CACNB1: variants seen among roughly 807,000 people sequenced by gnomAD.
CACNB1 encodes the protein calcium voltage-gated channel auxiliary subunit beta 1.
In CACNB1, 29 loss-of-function variants were observed where a neutral mutation model predicts 71.6. That is an observed-to-expected ratio of 0.40 (90% CI 0.30 to 0.55). CACNB1 has a LOEUF of 0.55. Among genes scored for constraint, CACNB1 ranks in the 20% least tolerant of loss-of-function variants. The pLI, the probability that CACNB1 is intolerant of heterozygous loss-of-function variation, is 0.38. For missense variants in CACNB1, 623 were observed against 801.8 expected (o/e 0.78, Z 2.69); for synonymous variants, 300 against 319.6 (o/e 0.94, Z 0.65).
chr17:39,175,530 C>T lies in CACNB1; in HGVS notation c.1460G>A (p.Arg487Gln), dbSNP rs753711036. 6.2e-7 allele frequency: 1 copy of T among 1,613,840 alleles called. No individual in the cohort carries two copies. Among genetic ancestry groups the T allele is most frequent in the Non-Finnish European group, 8.5e-7 (1 of 1,179,978 alleles). The stretch of plus-strand genomic sequence containing the variant: ...GGACAGTGCCCGTAGCGTGCCTGCC[C>T]GGCCTGGTGGGTGGCTGCTGGGGTA... ...GLYPSSHPPG[R>Q]AGTLRALSRQ... Residue 487 changes from arginine (R) to glutamine (Q), a missense_variant, in exon 14 of 14, where the codon CGG becomes CAG. By Grantham distance (43) the Arg-to-Gln change is conservative. Transcript: ENST00000394303. The surrounding 1 kb of genome is among the most constrained non-coding windows in gnomAD (Gnocchi z 4.7).
At position 39,187,485 on chromosome 17, in the gene CACNB1, G is replaced by T; in HGVS notation, c.408C>A (p.Ile136=). 1 of 1,613,930 alleles carries T rather than the reference G, an allele frequency of 6.2e-7. No individual in the cohort carries two copies. The highest frequency in any genetic ancestry group is 1.1e-5 in the South Asian group (1 of 91,084). The change falls in exon 4 of 14, where the codon ATC becomes ATA. Residue 136 remains isoleucine, a synonymous_variant. Transcript: ENST00000394303. ...ITFEPKDFLH[I]KEKYNNDWWI... ...CCTCCCTCCAGATACCCACCTCCTT[G>T]ATGTGCAGGAAGTCTTTGGGCTCGA...
rs1187636203 is a variant in CACNB1, at chr17:39,183,874, T to C, written c.899-10A>G. The C allele has an allele frequency of 6.2e-7, 1 of 1,609,818 alleles. No individual in the cohort carries two copies. On this transcript the variant is annotated splice_polypyrimidine_tract_variant and intron_variant, in intron 10 of 13. Coordinates refer to ENST00000394303, the MANE Select transcript of CACNB1 (RefSeq NM_000723.5). Reference sequence around the variant, plus strand: ...TCACTCTGCACCTCAGCTGGGGGCATGGAGTCATGTGGATGGGGGAATGTC... The same window carrying C: ...TCACTCTGCACCTCAGCTGGGGGCACGGAGTCATGTGGATGGGGGAATGTC...
Position 39,191,456 on chromosome 17 carries a change from T to C in CACNB1, c.291+18A>G. The C allele has an allele frequency of 6.3e-7, 1 of 1,591,310 alleles. No individual in the cohort carries two copies. The highest frequency in any genetic ancestry group is 2.3e-5 in the East Asian group (1 of 43,610). Reference sequence around the variant, plus strand: ...GGGGAAATCATGCCAGCACAGCCCCTCCCCACATCTTTCTCACCTTGGCCT... The same window carrying C: ...GGGGAAATCATGCCAGCACAGCCCCCCCCCACATCTTTCTCACCTTGGCCT... On this transcript the variant is annotated intron_variant, in intron 3 of 13. Transcript: ENST00000394303.
chr17:39,185,826 G>T, intron 6 of CACNB1: 2 of 1,044,682 alleles, frequency 1.9e-6, no homozygotes, highest in Non-Finnish European at 2.8e-6. Flanking sequence ...CTCCACCTCA[G>T]CAGGAAGCCC....
chr17:39,191,946 C>T, intron 2 of CACNB1: 1 of 297,608 alleles, frequency 3.4e-6, no homozygotes, highest in South Asian at 3.4e-5. Flanking sequence ...CCCTCCCCTG[C>T]CCCCAGCACC....
Position 39,175,197 on chromosome 17 carries a change from C to T in CACNB1, c.1793G>A (p.Arg598His), listed in dbSNP as rs781076028. 4 of 1,607,812 alleles carry T rather than the reference C, an allele frequency of 2.5e-6. No individual in the cohort carries two copies. The highest frequency in any genetic ancestry group is 4.5e-5 in the East Asian group (2 of 44,820). ...LEGWGRGVYI[R>H] ...CCGCCGTGTGGCCCCTGCCTCTCAGCGAATGTAGACGCCTCGTCCCCAGCC... is the reference window on the plus strand; with the variant it reads ...CCGCCGTGTGGCCCCTGCCTCTCAGTGAATGTAGACGCCTCGTCCCCAGCC... The change falls in exon 14 of 14, where the codon CGC (arginine) becomes CAC (histidine). Residue 598 changes from arginine to histidine, a missense_variant. Transcript: ENST00000394303. The surrounding 1 kb of genome is among the most constrained non-coding windows in gnomAD (Gnocchi z 4.7).
chr17:39,193,251 GAC>G (rs2046127620), intron 2 of CACNB1: 10 of 299,080 alleles, frequency 3.3e-5, no homozygotes, highest in South Asian at 2.5e-4. Flanking sequence ...GGTGCACACA[GAC>G]ACACATGTAG....
At position 39,197,422 on chromosome 17, in the gene CACNB1, G is replaced by C; in HGVS notation, c.74C>G (p.Pro25Arg). The change falls in exon 1 of 14, where the codon CCC (proline) becomes CGC (arginine). Residue 25 changes from proline to arginine, a missense_variant. Pro to Arg is a moderately radical substitution (Grantham distance 103, BLOSUM62 -2). Transcript: ENST00000394303. ...GCCACCACGCCTCACCTGCGGGCTG[G>C]GGTCGAAGACCTCCATGGGGATCTC... ...SQEIPMEVFD[P>R]SPQGKYSKRK... The C allele has an allele frequency of 1.4e-6, 2 of 1,465,834 alleles. No individual in the cohort carries two copies. The highest frequency in any genetic ancestry group is 1.8e-6 in the Non-Finnish European group (2 of 1,111,620). The allele number at this position is 1,465,834 out of a possible 1,614,324, so 90.8% of individuals were successfully genotyped here. A position where few individuals can be genotyped will look rare whatever the true frequency, so the allele number is the denominator to read the frequency against.
chr17:39,183,368 G>GAA (rs1433401577), intron 11 of CACNB1, among the ~76,000 whole-genome samples: 1 of 143,850 alleles, frequency 7.0e-6, no homozygotes, highest in Non-Finnish European at 1.5e-5. Flanking sequence ...GAAGAAGAAA[G>GAA]GAAAGACCTC....
At position 39,186,168 on chromosome 17, in the gene CACNB1, C is replaced by T. The variant is rs1242687757; in HGVS notation, c.628+328G>A. 4.3e-6 allele frequency: 6 copies of T among 1,395,880 alleles called. No homozygotes were observed. The highest frequency in any genetic ancestry group is 1.7e-5 in the Admixed American group (1 of 57,714). The allele number at this position is 1,395,880 out of a possible 1,614,324, so 86.5% of individuals were successfully genotyped here. On this transcript the variant is annotated intron_variant, in intron 6 of 13. Coordinates refer to ENST00000394303, the MANE Select transcript of CACNB1 (RefSeq NM_000723.5). This position sits in a 1 kb window ranked among gnomAD's most constrained non-coding sequence, Gnocchi z 4.1. The stretch of plus-strand genomic sequence containing the variant: ...AGGTGGGGAGAAGGAGTGAGATGAA[C>T]GTGGAGACACAAGTACAGAACGCAG...
At chr17:39,196,668 T>C (rs1179811801) in intron 1 of CACNB1, among the ~76,000 whole-genome samples, 1 of 151,422 alleles carries the variant, frequency 6.6e-6, no homozygotes, top group Non-Finnish European at 1.5e-5. Context: ...ACCAGGGGTG[T>C]AGGAAAAGTG....
At chr17:39,178,173 A>T (rs186559351) in intron 11 of CACNB1, 94 bp from the exon 12 acceptor site, 86,212 of 908,270 alleles carry the variant, frequency 0.095, 4,468 homozygotes, top group Non-Finnish European at 0.1. Context: ...CAGCATGGAG[A>T]GCCAGTGTCA....
At chr17:39,189,764 C>T (rs1335722549) in intron 3 of CACNB1, among the ~76,000 whole-genome samples, 3 of 151,192 alleles carry the variant, frequency 2.0e-5, no homozygotes, top group Admixed American at 6.6e-5. Flanking sequence ...TCCCAAAGTG[C>T]CGGGATTACA....
At chr17:39,181,225 C>G (rs1793477328) in intron 11 of CACNB1, among the ~76,000 whole-genome samples, 1 of 152,068 alleles carries the variant, frequency 6.6e-6, no homozygotes, top group South Asian at 2.1e-4. Context: ...TCCTGAGTAG[C>G]TGGAATTACA....
chr17:39,185,182 G>A, intron 6 of CACNB1, 32 bp from the exon 7 acceptor site: 1 of 1,605,818 alleles, frequency 6.2e-7, no homozygotes. Context: ...AGAGGGAAGG[G>A]GGAGGAGAGA....
At chr17:39,190,064 C>A (rs1361736862) in intron 3 of CACNB1, among the ~76,000 whole-genome samples, 1 of 151,670 alleles carries the variant, frequency 6.6e-6, no homozygotes, top group Non-Finnish European at 1.5e-5. Flanking sequence ...TGCAGTGAGC[C>A]GAGATCGCAC....
At chr17:39,195,429 G>A (rs548942812) in intron 1 of CACNB1, among the ~76,000 whole-genome samples, 1 of 152,238 alleles carries the variant, frequency 6.6e-6, no homozygotes, top group Non-Finnish European at 1.5e-5. Flanking sequence ...TGTTTGTGTT[G>A]GTGGCCCCCA....
chr17:39,175,075 C>A lies in CACNB1; in HGVS notation c.*118G>T. On this transcript the variant is annotated 3_prime_UTR_variant, in exon 14 of 14. Transcript: ENST00000394303. The surrounding 1 kb of genome is among the most constrained non-coding windows in gnomAD (Gnocchi z 4.7). ...AGAAACCCCAAGCTTTGAGCAAAGG[C>A]ATCTGAAAGGAGGGAGACAGCGCCC... 2 of 841,976 alleles carry A rather than the reference C, an allele frequency of 2.4e-6. No individual in the cohort carries two copies. Among genetic ancestry groups the A allele is most frequent in the Non-Finnish European group, 3.8e-6 (2 of 528,564 alleles). The allele number at this position is 841,976 out of a possible 1,614,324, so 52.2% of individuals were successfully genotyped here. A position where few individuals can be genotyped will look rare whatever the true frequency, so the allele number is the denominator to read the frequency against.
intron 11 of CACNB1, among the ~76,000 whole-genome samples, chr17:39,179,438 G>A (rs1282462922): frequency 1.3e-5 from 2 of 151,106 alleles, no homozygotes; most frequent in African/African-American, 2.4e-5. Flanking sequence ...AAAATTAGCC[G>A]GGCATGGTGG....
Sources: gnomAD v4.1 joint callset for allele counts (sites outside exome capture counted in the v4.1 genomes callset) on GRCh38, gnomAD v4.1.1 for gene constraint, Gnocchi (gnomAD v3.1) non-coding constraint, MANE v1.5 for transcripts, NCBI Gene and HGNC (gene_info 2026-07-23, HGNC 2026-07-21) for gene names.